PCDH15: variants seen among roughly 807,000 people sequenced by gnomAD.
PCDH15 encodes protocadherin related 15.
Under a neutral mutation model 178.5 loss-of-function variants are expected in PCDH15, and 129 were observed. That is an observed-to-expected ratio of 0.72 (90% CI 0.63 to 0.84). PCDH15 has a LOEUF of 0.84. PCDH15 is among the 40% of genes least tolerant of loss of function. PCDH15 has a pLI of 0.00. For synonymous variants in PCDH15, 800 were observed against 732.0 expected (o/e 1.09, Z -1.50); for missense variants, 2,230 against 2,099.9 (o/e 1.06, Z -1.21).
intron 1 of PCDH15, among the ~76,000 whole-genome samples, chr10:55,290,442 G>T (rs1015873311): frequency 6.6e-6 from 1 of 152,052 alleles, no homozygotes; most frequent in African/African-American, 2.4e-5. Context: ...GTGTTTCAAA[G>T]TTAAAACTTA....
At chr10:55,354,404 A>C (rs2131970941) in intron 2 of PCDH15, among the ~76,000 whole-genome samples, 1 of 152,258 alleles carries the variant, frequency 6.6e-6, no homozygotes, top group African/African-American at 2.4e-5. Context: ...AGGGTACAAT[A>C]GAGAAACAGA....
At chr10:55,308,414 C>T (rs1043563566) in intron 1 of PCDH15, among the ~76,000 whole-genome samples, 1 of 152,038 alleles carries the variant, frequency 6.6e-6, no homozygotes. Flanking sequence ...TGGAGACTGG[C>T]AAAGGAATAA....
At chr10:55,021,842 T>C (rs1455899625) in intron 2 of PCDH15, among the ~76,000 whole-genome samples, 1 of 151,350 alleles carries the variant, frequency 6.6e-6, no homozygotes, top group Non-Finnish European at 1.5e-5. Context: ...TGCTAACTGT[T>C]CTTTTATTAT....
chr10:54,093,505 A>G (rs1181758397), intron 15 of PCDH15, among the ~76,000 whole-genome samples: 1 of 152,180 alleles, frequency 6.6e-6, no homozygotes, highest in Non-Finnish European at 1.5e-5. Flanking sequence ...GAAATAATCC[A>G]TAAAAAGAAA....
rs757380468 is a variant in PCDH15, at chr10:54,664,235, A to G, written c.28T>C (p.Cys10Arg). 6.2e-7 allele frequency: 1 copy of G among 1,612,094 alleles called. No individual in the cohort carries two copies. Among genetic ancestry groups the G allele is most frequent in the Admixed American group, 1.7e-5 (1 of 59,780 alleles). The change falls in exon 2 of 38, where the codon TGT (cysteine) becomes CGT (arginine). Residue 10 changes from cysteine to arginine, a missense_variant. Coordinates refer to ENST00000644397, the MANE Select transcript of PCDH15 (RefSeq NM_001384140.1). ...CCCAGGATGATCCCTGAAGCTAAAC[A>G]TGTCCAGAGATAAAACTGTCGAAAC... MFRQFYLWT[C>R]LASGIILGSL...
Position 54,395,562 on chromosome 10 carries a change from G to A in PCDH15, c.158-16620C>T, listed in dbSNP as rs371451983. On this transcript the variant is annotated intron_variant, in intron 3 of 37. Transcript: ENST00000644397. The stretch of plus-strand genomic sequence containing the variant: ...AGTCATTTAGATATAATTATAATAC[G>A]CAAAAAATGGATTTTGTTATGCATC... 7.4e-4 allele frequency among the ~76,000 whole-genome samples: 112 copies of A among 151,350 alleles called. 1 individual carries two copies. Among genetic ancestry groups the A allele is most frequent in the African/African-American group, 2.5e-3 (103 of 41,254 alleles).
chr10:55,473,898 C>A (rs1013502744), intron 2 of PCDH15, among the ~76,000 whole-genome samples: 2 of 152,120 alleles, frequency 1.3e-5, no homozygotes, highest in South Asian at 4.1e-4. Context: ...TTTTTGACAA[C>A]TATCTTGCAT....
At chr10:54,581,382 G>A (rs2091021970) in intron 2 of PCDH15, among the ~76,000 whole-genome samples, 1 of 151,988 alleles carries the variant, frequency 6.6e-6, no homozygotes, top group Non-Finnish European at 1.5e-5. Flanking sequence ...CAACAAAGAG[G>A]TGAAAGATCT....
At chr10:54,776,633 T>C (rs1949739021) in intron 1 of PCDH15, among the ~76,000 whole-genome samples, 1 of 152,216 alleles carries the variant, frequency 6.6e-6, no homozygotes, top group South Asian at 2.1e-4. Context: ...CATGGAAAGC[T>C]TGAGTTTTCA....
At chr10:55,334,522 G>A (rs1423716951) in intron 2 of PCDH15, among the ~76,000 whole-genome samples, 1 of 151,560 alleles carries the variant, frequency 6.6e-6, no homozygotes, top group Admixed American at 6.6e-5. Context: ...GGTCAGGCTG[G>A]TCTCAAACTC....
At chr10:54,268,558 T>C (rs2057843108) in intron 8 of PCDH15, among the ~76,000 whole-genome samples, 1 of 151,886 alleles carries the variant, frequency 6.6e-6, no homozygotes, top group African/African-American at 2.4e-5. Context: ...GATGCATATA[T>C]ACCATGGAAT....
At chr10:54,024,098 T>G (rs2135336267) in intron 18 of PCDH15, among the ~76,000 whole-genome samples, 1 of 152,300 alleles carries the variant, frequency 6.6e-6, no homozygotes, top group South Asian at 2.1e-4. Flanking sequence ...ACTGAAAATT[T>G]GAAGTCATGT....
chr10:54,137,262 T>C (rs1226196998), intron 14 of PCDH15, among the ~76,000 whole-genome samples: 1 of 152,166 alleles, frequency 6.6e-6, no homozygotes, highest in Non-Finnish European at 1.5e-5. Context: ...AAAAATTTTA[T>C]TTTTGTAATA....
chr10:54,312,656 G>C (rs10825300), intron 8 of PCDH15, among the ~76,000 whole-genome samples: 27,554 of 152,016 alleles, frequency 0.18, 2,732 homozygotes, highest in South Asian at 0.24. Flanking sequence ...TTCAATCCTG[G>C]ATGAGCACCA....
In PCDH15 at chr10:54,585,509, A is replaced by G. The variant is rs979582367; in HGVS notation, c.92-57632T>C. On this transcript the variant is annotated intron_variant, in intron 2 of 37. Transcript: ENST00000644397. ...CAGAACTGTTGTTAATAACAAGACT[A>G]AGAACAATTTTTAATTTTTTTTAAC... 16 of 224,084 alleles carry G rather than the reference A, an allele frequency of 7.1e-5. No individual in the cohort carries two copies. The East Asian group carries it at 1.7e-3, about 24-fold the overall frequency. 13.9% of individuals were successfully genotyped at this position (224,084 alleles called of 1,614,324 possible).
chr10:54,891,281 T>A (rs1421106999), intron 3 of PCDH15, among the ~76,000 whole-genome samples: 1 of 152,070 alleles, frequency 6.6e-6, no homozygotes, highest in African/African-American at 2.4e-5. Flanking sequence ...GCAAATTCTA[T>A]CTTCTAACAT....
At chr10:53,896,545 T>C (rs571364799) in intron 26 of PCDH15, among the ~76,000 whole-genome samples, 2 of 152,284 alleles carry the variant, frequency 1.3e-5, no homozygotes, top group East Asian at 3.9e-4. Context: ...CATCAGTCAT[T>C]TTTCATTAGT....
intron 2 of PCDH15, among the ~76,000 whole-genome samples, chr10:55,072,714 T>C (rs928869468): frequency 1.8e-4 from 27 of 151,674 alleles, no homozygotes; most frequent in Middle Eastern, 3.4e-3. Context: ...TTCCAATCAA[T>C]AGAAAAAGAG....
intron 2 of PCDH15, among the ~76,000 whole-genome samples, chr10:54,551,359 A>G (rs2086592279): frequency 6.6e-6 from 1 of 152,084 alleles, no homozygotes; most frequent in African/African-American, 2.4e-5. Context: ...AGGGATGTTA[A>G]TCTAGAAATT....
Sources: allele counts gnomAD v4.1 joint callset (sites outside exome capture counted in the v4.1 genomes callset), GRCh38; gene constraint gnomAD v4.1.1; transcripts MANE v1.5; gene names NCBI Gene and HGNC (gene_info 2026-07-23, HGNC 2026-07-21).